The following ABCA12 variants were observed in gnomAD, a reference collection of about 807,000 sequenced individuals.
ABCA12 encodes the protein glucosylceramide transporter ABCA12.
Under a neutral mutation model 293.5 loss-of-function variants are expected in ABCA12, and 156 were observed. The observed-to-expected ratio is 0.53, with a 90% CI of 0.47 to 0.61. The LOEUF is 0.61. ABCA12 is among the 20% of genes least tolerant of loss of function. The probability of loss-of-function intolerance (pLI) is 0.00; values close to 1 mark genes in which losing one functional copy is unlikely to be tolerated. For synonymous variants in ABCA12, 1,063 were observed against 1,108.0 expected (o/e 0.96, Z 0.81); for missense variants, 2,797 against 3,090.2 (o/e 0.91, Z 2.25).
chr2:215,001,146 G>T (rs1225838451), intron 21 of ABCA12, 126 bp from the exon 22 acceptor site: 36 of 923,654 alleles, frequency 3.9e-5, no homozygotes, highest in Non-Finnish European at 5.5e-5. Context: ...GTAGGTTCAG[G>T]TTCTTAATTT....
At chr2:215,030,349 C>T (rs1316027860) in intron 9 of ABCA12, 1 of 151,842 alleles carries the variant, frequency 6.6e-6, no homozygotes, top group East Asian at 1.9e-4. Context: ...GATCCTAGCA[C>T]TTTGAGAGGC....
At chr2:214,937,192 T>C (rs1373962414) in intron 51 of ABCA12, among the ~76,000 whole-genome samples, 2 of 149,482 alleles carry the variant, frequency 1.3e-5, no homozygotes, top group African/African-American at 2.6e-5. Flanking sequence ...GTTTTTTGTT[T>C]GTTTTTGTTT....
chr2:215,062,740 CTT>C, intron 3 of ABCA12, among the ~76,000 whole-genome samples: 1 of 152,002 alleles, frequency 6.6e-6, no homozygotes, highest in Non-Finnish European at 1.5e-5. Flanking sequence ...TTTCCTTGTC[CTT>C]GTTGGTCTCT....
intron 1 of ABCA12, among the ~76,000 whole-genome samples, chr2:215,118,379 G>C (rs1333680506): frequency 2.0e-5 from 3 of 152,004 alleles, no homozygotes; most frequent in Non-Finnish European, 1.5e-5. Context: ...GCCAGCCTGG[G>C]TGACAGAGTG....
rs181353032 is a variant in ABCA12, at chr2:215,108,916, A to G, written c.163+2681T>C. ...ACCCCCGTCTCTACTAAAAATACAA[A>G]AATTAGCCAGGTGTGGTGGTGGGCT... On this transcript the variant is annotated intron_variant, in intron 2 of 52. Coordinates refer to ENST00000272895, the MANE Select transcript of ABCA12 (RefSeq NM_173076.3). Among the ~76,000 whole-genome samples, 391 of 152,158 alleles carry G rather than the reference A, an allele frequency of 2.6e-3. 1 individual carries two copies. The highest frequency in any genetic ancestry group is 9.1e-3 in the African/African-American group (376 of 41,506).
chr2:215,111,071 C>T (rs1420632321), intron 2 of ABCA12, among the ~76,000 whole-genome samples: 1 of 152,234 alleles, frequency 6.6e-6, no homozygotes, highest in Non-Finnish European at 1.5e-5. Flanking sequence ...GCCCATTTTA[C>T]AACTTGACAA....
At chr2:215,006,826 C>T (rs1700262455) in intron 19 of ABCA12, among the ~76,000 whole-genome samples, 1 of 148,234 alleles carries the variant, frequency 6.7e-6, no homozygotes, top group African/African-American at 2.5e-5. Context: ...GTGATTGGAA[C>T]ATTTCCCCAC....
intron 41 of ABCA12, among the ~76,000 whole-genome samples, chr2:214,957,017 G>T (rs954099165): frequency 1.3e-5 from 2 of 152,256 alleles, no homozygotes; most frequent in Admixed American, 1.3e-4. Flanking sequence ...AGATATACAA[G>T]GAGTCCCTGG....
chr2:215,135,047 C>G (rs1468923611), intron 1 of ABCA12, among the ~76,000 whole-genome samples: 1 of 152,032 alleles, frequency 6.6e-6, no homozygotes, highest in African/African-American at 2.4e-5. Context: ...ACGGCAACCT[C>G]CACCTCCCAG....
At chr2:214,986,406 A>G in intron 28 of ABCA12, 136 bp downstream of exon 28, 1 of 938,312 alleles carries the variant, frequency 1.1e-6, no homozygotes, top group Non-Finnish European at 1.7e-6. Context: ...TCTATAGCAT[A>G]CAAGTTGAAC....
intron 3 of ABCA12, among the ~76,000 whole-genome samples, chr2:215,061,351 G>T (rs1701524067): frequency 6.6e-6 from 1 of 152,014 alleles, no homozygotes; most frequent in Non-Finnish European, 1.5e-5. Context: ...AACAAGTAGT[G>T]ACTGCAGTGT....
intron 1 of ABCA12, among the ~76,000 whole-genome samples, chr2:215,131,084 C>T (rs187377052): frequency 1.8e-3 from 267 of 151,826 alleles, no homozygotes; most frequent in African/African-American, 6.3e-3. Flanking sequence ...CCTTGCTTCC[C>T]TGATCATGGT....
At chr2:215,118,621 A>T (rs1213564106) in intron 1 of ABCA12, among the ~76,000 whole-genome samples, 1 of 152,102 alleles carries the variant, frequency 6.6e-6, no homozygotes, top group Admixed American at 6.6e-5. Context: ...TTTATTTAAG[A>T]TTTATACATA....
intron 2 of ABCA12, among the ~76,000 whole-genome samples, chr2:215,069,966 G>A (rs1454886547): frequency 6.6e-6 from 1 of 152,204 alleles, no homozygotes; most frequent in East Asian, 1.9e-4. Flanking sequence ...TAAATGGGTA[G>A]CTGTAGGAAC....
intron 2 of ABCA12, among the ~76,000 whole-genome samples, chr2:215,090,188 C>T (rs1358032474): frequency 6.6e-6 from 1 of 152,164 alleles, no homozygotes; most frequent in African/African-American, 2.4e-5. Context: ...CTGCCCCACC[C>T]CTAACTTCCT....
In ABCA12 at chr2:214,978,962, A is replaced by T. The variant is rs1291610036; in HGVS notation, c.4819T>A (p.Tyr1607Asn). 6.2e-7 allele frequency: 1 copy of T among 1,614,132 alleles called. No homozygotes were observed. Among genetic ancestry groups the T allele is most frequent in the South Asian group, 1.1e-5 (1 of 91,080 alleles). The change falls in exon 32 of 53, where the codon TAC becomes AAC. Residue 1607 changes from tyrosine (Y) to asparagine (N), a missense_variant. Physicochemically the swap from Tyr to Asn is moderately radical, Grantham distance 143. This residue lies in a region of ABCA12 where 2,130 missense variants were observed against 2,427.0 expected (regional missense o/e 0.88). Transcript: ENST00000272895. ...TCTCCCCCAATATCCTCCTTGAGGT[A>T]GGCTTCGGGGAGATGTGATTGGATC... ...AMIQSHLPEA[Y>N]LKEDIGGELV...
intron 23 of ABCA12, 107 bp from the exon 24 acceptor site, chr2:214,991,138 A>G (rs1225179780): frequency 1.0e-6 from 1 of 994,656 alleles, no homozygotes; most frequent in Non-Finnish European, 1.5e-6. Context: ...TGTATATGGA[A>G]CTAGGCATTT....
chr2:214,947,330 T>G, intron 48 of ABCA12, 92 bp downstream of exon 48: 18 of 1,568,520 alleles, frequency 1.1e-5, no homozygotes, highest in Non-Finnish European at 1.6e-5. Context: ...CAATAAATGT[T>G]GACTGCAATC....
At chr2:215,030,790 A>G (rs1327878479) in intron 9 of ABCA12, among the ~76,000 whole-genome samples, 1 of 152,198 alleles carries the variant, frequency 6.6e-6, no homozygotes, top group Non-Finnish European at 1.5e-5. Flanking sequence ...TCAGAGGTGG[A>G]GAACTTCTCG....
Sources: gnomAD v4.1 joint callset for allele counts (sites outside exome capture counted in the v4.1 genomes callset) on GRCh38, gnomAD v4.1.1 for gene constraint, gnomAD v4.1.1 regional missense constraint, MANE v1.5 for transcripts, NCBI Gene and HGNC (gene_info 2026-07-23, HGNC 2026-07-21) for gene names.